TEAD1: variants seen among roughly 807,000 people sequenced by gnomAD.
TEAD1 encodes transcriptional enhancer factor TEF-1.
Under a neutral mutation model 54.9 loss-of-function variants are expected in TEAD1, and 9 were observed. The ratio of observed to expected loss-of-function variants is 0.16; its 90% confidence interval spans 0.10 to 0.29. The LOEUF (loss-of-function observed/expected upper bound fraction) is 0.29, where lower values mean the gene tolerates loss of function less well. Among genes scored for constraint, TEAD1 ranks in the 10% least tolerant of loss-of-function variants. The pLI is 1.00. For missense variants in TEAD1, 387 were observed against 535.9 expected (o/e 0.72, Z 2.74); for synonymous variants, 200 against 187.8 (o/e 1.07, Z -0.53).
At chr11:12,819,277 G>A (rs1302033387) in intron 3 of TEAD1, among the ~76,000 whole-genome samples, 2 of 25,154 alleles carry the variant, frequency 8.0e-5, no homozygotes, top group Non-Finnish European at 1.2e-4. Flanking sequence ...GTGCAGAGGT[G>A]ATTTTTTTTT....
chr11:12,683,512 G>A (rs145143017), intron 2 of TEAD1, among the ~76,000 whole-genome samples: 72 of 152,282 alleles, frequency 4.7e-4, no homozygotes, highest in African/African-American at 1.7e-3. Flanking sequence ...CCGAAGAGCT[G>A]TGTTGCCCTG....
At chr11:12,881,139 G>A (rs1347210666) in intron 7 of TEAD1, 88 bp downstream of exon 7, 1 of 1,446,174 alleles carries the variant, frequency 6.9e-7, no homozygotes. Context: ...AGTGTCTCAG[G>A]GCCTGGAGGA....
intron 3 of TEAD1, among the ~76,000 whole-genome samples, chr11:12,833,342 G>C (rs750000621): frequency 4.6e-5 from 7 of 152,200 alleles, no homozygotes; most frequent in Non-Finnish European, 1.0e-4. Flanking sequence ...AGCCTGCAGA[G>C]ATGTGCTGAA....
chr11:12,927,994 T>G lies in TEAD1; in HGVS notation c.1015-2180T>G, dbSNP rs543951553. 1.7e-4 allele frequency among the ~76,000 whole-genome samples: 26 copies of G among 152,304 alleles called. No individual in the cohort carries two copies. In the East Asian group the frequency reaches 4.4e-3, roughly 26 times the overall value. ...TTACTGTAGGCTTTTATTAATGGTCTTTATTACTAATTTAAGTGTTTTCTT... is the reference window on the plus strand; with the variant it reads ...TTACTGTAGGCTTTTATTAATGGTCGTTATTACTAATTTAAGTGTTTTCTT... On this transcript the variant is annotated intron_variant, in intron 11 of 12. Coordinates refer to ENST00000527636, the MANE Select transcript of TEAD1 (RefSeq NM_021961.6).
chr11:12,725,132 G>A (rs1255327495), intron 2 of TEAD1, among the ~76,000 whole-genome samples: 1 of 152,174 alleles, frequency 6.6e-6, no homozygotes, highest in Admixed American at 6.5e-5. Flanking sequence ...TTTACAGTGT[G>A]TAAGGCTTTC....
intron 12 of TEAD1, 105 bp from the exon 13 acceptor site, chr11:12,937,004 T>C: frequency 1.3e-6 from 1 of 776,624 alleles, no homozygotes; most frequent in South Asian, 1.5e-5. Flanking sequence ...CAAATCTCTC[T>C]TGGACTTAAG....
At chr11:12,927,712 A>G (rs996658701) in intron 11 of TEAD1, among the ~76,000 whole-genome samples, 6 of 152,238 alleles carry the variant, frequency 3.9e-5, no homozygotes, top group East Asian at 1.9e-4. Flanking sequence ...ATAAGATTTT[A>G]TCATTTTCAT....
intron 3 of TEAD1, among the ~76,000 whole-genome samples, chr11:12,814,405 G>A (rs11022512): frequency 0.34 from 52,303 of 152,008 alleles, 9,803 homozygotes; most frequent in South Asian, 0.61. Flanking sequence ...GCTGAAGGAA[G>A]GGCAGCTGGA....
At chr11:12,867,270 C>G (rs1947637331) in intron 5 of TEAD1, among the ~76,000 whole-genome samples, 1 of 152,174 alleles carries the variant, frequency 6.6e-6, no homozygotes, top group East Asian at 1.9e-4. Context: ...CACACTGTAC[C>G]TAAACTGTCA....
intron 5 of TEAD1, among the ~76,000 whole-genome samples, chr11:12,879,095 T>C (rs934345595): frequency 6.6e-6 from 1 of 152,162 alleles, no homozygotes; most frequent in Non-Finnish European, 1.5e-5. Context: ...ACGGCGGGGA[T>C]ACCTGAGAAA....
chr11:12,880,542 G>C (rs755110905), intron 6 of TEAD1, among the ~76,000 whole-genome samples: 1 of 152,146 alleles, frequency 6.6e-6, no homozygotes, highest in Admixed American at 6.5e-5. Flanking sequence ...AGGGAAGCTC[G>C]CTGCAGAGAA....
Position 12,807,305 on chromosome 11 carries a change from G to A in TEAD1, c.202+42871G>A, listed in dbSNP as rs1253076535. ...TTCTGTTTCTGTCCGCTCAAATACA[G>A]TCTTTCAGGAAACGAATTCTCTGTA... On this transcript the variant is annotated intron_variant, in intron 3 of 12. Coordinates refer to ENST00000527636, the MANE Select transcript of TEAD1 (RefSeq NM_021961.6). 2.6e-5 allele frequency among the ~76,000 whole-genome samples: 4 copies of A among 152,184 alleles called. No individual in the cohort carries two copies. The East Asian group carries it at 7.7e-4, about 29-fold the overall frequency.
chr11:12,819,409 C>T (rs1221810503), intron 3 of TEAD1, among the ~76,000 whole-genome samples: 3 of 151,052 alleles, frequency 2.0e-5, no homozygotes, highest in East Asian at 2.0e-4. Context: ...ATGCCTTATG[C>T]ACTTGTATGT....
chr11:12,932,775 C>A (rs1949032139), intron 12 of TEAD1, among the ~76,000 whole-genome samples: 1 of 152,044 alleles, frequency 6.6e-6, no homozygotes, highest in Non-Finnish European at 1.5e-5. Context: ...ACAGTGATGC[C>A]CTAGGCCTTC....
chr11:12,922,192 CTTT>C (rs756723520), intron 10 of TEAD1, among the ~76,000 whole-genome samples: 1 of 94,516 alleles, frequency 1.1e-5, no homozygotes, highest in African/African-American at 4.3e-5. Context: ...ACATGGTTCT[CTTT>C]TTTTTTTTTT....
chr11:12,813,150 G>C (rs1946341896), intron 3 of TEAD1, among the ~76,000 whole-genome samples: 1 of 152,204 alleles, frequency 6.6e-6, no homozygotes, highest in African/African-American at 2.4e-5. Flanking sequence ...ATACTGTGCT[G>C]AGGGAGGTGG....
At chr11:12,907,694 A>G (rs1469237523) in intron 10 of TEAD1, among the ~76,000 whole-genome samples, 1 of 152,196 alleles carries the variant, frequency 6.6e-6, no homozygotes, top group Non-Finnish European at 1.5e-5. Flanking sequence ...CTAAGCACAT[A>G]CTTGATATTA....
At chr11:12,820,996 A>G (rs1246024109) in intron 3 of TEAD1, among the ~76,000 whole-genome samples, 4 of 152,168 alleles carry the variant, frequency 2.6e-5, no homozygotes, top group Middle Eastern at 3.2e-3. Context: ...TGGGGGCTCT[A>G]TGCCTGTCTG....
At chr11:12,844,258 A>G (rs1047871524) in intron 3 of TEAD1, among the ~76,000 whole-genome samples, 15 of 152,160 alleles carry the variant, frequency 9.9e-5, no homozygotes, top group African/African-American at 3.6e-4. Context: ...TTTTAATCCA[A>G]GGTTAAAAAC....
Sources: allele counts gnomAD v4.1 joint callset (sites outside exome capture counted in the v4.1 genomes callset), GRCh38; gene constraint gnomAD v4.1.1; transcripts MANE v1.5; gene names NCBI Gene and HGNC (gene_info 2026-07-23, HGNC 2026-07-21).